Variants in KCND3 observed in about 807,000 individuals in gnomAD.
The protein encoded by KCND3 is A-type voltage-gated potassium channel KCND3.
Under a neutral mutation model 51.1 loss-of-function variants are expected in KCND3, and 9 were observed. The observed-to-expected ratio is 0.18, with a 90% CI of 0.11 to 0.31. The LOEUF (loss-of-function observed/expected upper bound fraction) is 0.31, where lower values mean the gene tolerates loss of function less well. Among genes scored for constraint, KCND3 ranks in the 10% least tolerant of loss-of-function variants. The pLI, the probability that KCND3 is intolerant of heterozygous loss-of-function variation, is 1.00. For missense variants in KCND3, 526 were observed against 903.8 expected, an observed-to-expected ratio of 0.58 and a Z score of 5.36; for synonymous variants, 349 against 368.0, an observed-to-expected ratio of 0.95 and a Z score of 0.59.
chr1:111,808,474 A>G (rs551017501), intron 2 of KCND3, among the ~76,000 whole-genome samples: 1 of 152,364 alleles, frequency 6.6e-6, no homozygotes, highest in East Asian at 1.9e-4. Context: ...GTACAAATGC[A>G]AGGGCTTGCT....
chr1:111,895,805 C>T (rs893174450), intron 2 of KCND3, among the ~76,000 whole-genome samples: 2 of 152,228 alleles, frequency 1.3e-5, no homozygotes, highest in Non-Finnish European at 2.9e-5. Context: ...CAGCTCTTCC[C>T]GGGGCCAGCC....
chr1:111,978,848 T>C (rs530468577), intron 2 of KCND3, among the ~76,000 whole-genome samples: 1 of 152,300 alleles, frequency 6.6e-6, no homozygotes, highest in Non-Finnish European at 1.5e-5. Context: ...GCTCATCCAC[T>C]AAAAAGCATT....
chr1:111,833,360 T>C (rs935867145), intron 2 of KCND3, among the ~76,000 whole-genome samples: 1 of 152,258 alleles, frequency 6.6e-6, no homozygotes, highest in African/African-American at 2.4e-5. Context: ...ACTCGTTTTA[T>C]CGGTATCCAA....
chr1:111,913,020 A>T (rs2101819442), intron 2 of KCND3, among the ~76,000 whole-genome samples: 1 of 152,154 alleles, frequency 6.6e-6, no homozygotes, highest in East Asian at 1.9e-4. Flanking sequence ...CTTCATATTC[A>T]CTCACCCCTC....
intron 2 of KCND3, among the ~76,000 whole-genome samples, chr1:111,908,507 T>G (rs1670758914): frequency 6.6e-6 from 1 of 152,180 alleles, no homozygotes; most frequent in Non-Finnish European, 1.5e-5. Context: ...TTTAGAATTC[T>G]TATTCGTAAC....
intron 2 of KCND3, among the ~76,000 whole-genome samples, chr1:111,862,077 T>C (rs1668361082): frequency 6.6e-6 from 1 of 152,186 alleles, no homozygotes; most frequent in Admixed American, 6.5e-5. Flanking sequence ...GCTTTTATAG[T>C]GCAGGGCGCT....
intron 2 of KCND3, among the ~76,000 whole-genome samples, chr1:111,799,716 A>G (rs547590088): frequency 1.3e-5 from 2 of 152,336 alleles, no homozygotes; most frequent in African/African-American, 4.8e-5. Flanking sequence ...GTAGAGACAT[A>G]ATTCCTTTAG....
At chr1:111,851,600 G>A (rs1557977765) in intron 2 of KCND3, among the ~76,000 whole-genome samples, 1 of 152,204 alleles carries the variant, frequency 6.6e-6, no homozygotes, top group Admixed American at 6.5e-5. Context: ...AAACATGCCT[G>A]CATTACAGTC....
At chr1:111,843,095 C>T (rs1009930426) in intron 2 of KCND3, among the ~76,000 whole-genome samples, 1 of 152,216 alleles carries the variant, frequency 6.6e-6, no homozygotes, top group African/African-American at 2.4e-5. Context: ...CTTTCTCCCT[C>T]TGAGTTATAG....
rs1664024971 is a variant in KCND3, at chr1:111,774,337, T to G, written c.*1740A>C. 1 of 152,198 alleles carries G rather than the reference T, an allele frequency of 6.6e-6. No homozygotes were observed. The highest frequency in any genetic ancestry group is 1.5e-5 in the Non-Finnish European group (1 of 68,066). The allele number at this position is 152,198 out of a possible 1,614,324, so 9.4% of individuals were successfully genotyped here. A position where few individuals can be genotyped will look rare whatever the true frequency, so the allele number is the denominator to read the frequency against. ...GGATAGGCAGCTCCCGAGGAGCTCA[T>G]GTATTTCAGAGCCCAGGCTACAGAG... On this transcript the variant is annotated 3_prime_UTR_variant, in exon 8 of 8. Coordinates refer to ENST00000302127, the MANE Select transcript of KCND3 (RefSeq NM_001378969.1).
rs1437557964 is a variant in KCND3, at chr1:111,981,610, C to T, written c.1106+11G>A. 9.9e-6 allele frequency: 16 copies of T among 1,613,994 alleles called. No individual in the cohort carries two copies. In the Admixed American group the frequency reaches 2.0e-4, roughly 20 times the overall value. On this transcript the variant is annotated intron_variant, in intron 2 of 7. Transcript: ENST00000302127. This position sits in a 1 kb window ranked among gnomAD's most constrained non-coding sequence, Gnocchi z 6.2. ...CCTCCGTCCTGGTTTCATCCACCAG[C>T]GCTGACTTACCCCAGTGTGGTCATG...
chr1:111,902,216 G>A (rs1187612126), intron 2 of KCND3, among the ~76,000 whole-genome samples: 1 of 152,182 alleles, frequency 6.6e-6, no homozygotes, highest in African/African-American at 2.4e-5. Flanking sequence ...AGGCCTCTGG[G>A]GAGCTAATAC....
At chr1:111,847,873 GAGA>G (rs1338275875) in intron 2 of KCND3, among the ~76,000 whole-genome samples, 1 of 152,176 alleles carries the variant, frequency 6.6e-6, no homozygotes, top group Non-Finnish European at 1.5e-5. Context: ...GTTCGACAGG[GAGA>G]AGGTCACATC....
At chr1:111,945,098 C>A (rs1672715461) in intron 2 of KCND3, among the ~76,000 whole-genome samples, 1 of 152,166 alleles carries the variant, frequency 6.6e-6, no homozygotes, top group South Asian at 2.1e-4. Context: ...AACCACACAG[C>A]CCCACCCACG....
At chr1:111,903,421 G>C (rs1443012713) in intron 2 of KCND3, among the ~76,000 whole-genome samples, 3 of 152,198 alleles carry the variant, frequency 2.0e-5, no homozygotes, top group African/African-American at 7.2e-5. Flanking sequence ...CACCCACTCA[G>C]TATGTCCTGG....
rs557271361 is a variant in KCND3, at chr1:111,875,112, A to G, written c.1107-88006T>C. On this transcript the variant is annotated intron_variant, in intron 2 of 7. Coordinates refer to ENST00000302127, the MANE Select transcript of KCND3 (RefSeq NM_001378969.1). ...GACCTGGGGCTGGACACTTTTTCAAAGGAGGAGGGTTGAAGCTGTTCTAGG... is the reference window on the plus strand; with the variant it reads ...GACCTGGGGCTGGACACTTTTTCAAGGGAGGAGGGTTGAAGCTGTTCTAGG... Among the ~76,000 whole-genome samples, 3 of 152,348 alleles carry G rather than the reference A, an allele frequency of 2.0e-5. No homozygotes were observed. The East Asian group carries it at 5.8e-4, about 29-fold the overall frequency.
chr1:111,796,821 G>A (rs1259645672), intron 2 of KCND3, among the ~76,000 whole-genome samples: 1 of 152,192 alleles, frequency 6.6e-6, no homozygotes, highest in Non-Finnish European at 1.5e-5. Context: ...AGGTTCTCTG[G>A]GAGATGTTTC....
chr1:111,852,113 C>T (rs1311130352), intron 2 of KCND3, among the ~76,000 whole-genome samples: 1 of 152,244 alleles, frequency 6.6e-6, no homozygotes, highest in African/African-American at 2.4e-5. Flanking sequence ...GTCCTCTTCT[C>T]ATCCTAGTCA....
chr1:111,821,836 T>C (rs1292693948), intron 2 of KCND3, among the ~76,000 whole-genome samples: 1 of 152,038 alleles, frequency 6.6e-6, no homozygotes, highest in Non-Finnish European at 1.5e-5. Context: ...TGTTTGGAAG[T>C]GGGTGGTGGG....
Sources: allele counts gnomAD v4.1 joint callset (sites outside exome capture counted in the v4.1 genomes callset), GRCh38; gene constraint gnomAD v4.1.1; non-coding constraint Gnocchi (gnomAD v3.1); transcripts MANE v1.5; gene names NCBI Gene and HGNC (gene_info 2026-07-23, HGNC 2026-07-21).